Variants in PPM1B observed in about 807,000 individuals in gnomAD.
PPM1B encodes the protein protein phosphatase, Mg2+/Mn2+ dependent 1B, also known as protein phosphatase 1B.
Under a neutral mutation model 43.0 loss-of-function variants are expected in PPM1B, and 22 were observed. That is an observed-to-expected ratio of 0.51 (90% CI 0.37 to 0.73). The LOEUF is 0.73. Ranked by LOEUF, PPM1B falls within the 30% of genes least tolerant of loss-of-function variation. The pLI, the probability that PPM1B is intolerant of heterozygous loss-of-function variation, is 0.00. For synonymous variants in PPM1B, 217 were observed against 197.9 expected (o/e 1.10, Z -0.81); for missense variants, 632 against 584.2 (o/e 1.08, Z -0.84).
At chr2:44,205,374 T>TGTGTGTGTGTGTGTGTGTGTGTGG (rs1553333054) in intron 2 of PPM1B, among the ~76,000 whole-genome samples, 44 of 151,468 alleles carry the variant, frequency 2.9e-4, no homozygotes, top group Middle Eastern at 3.4e-3. Flanking sequence ...TGTGTGTGTG[T>TGTGTGTGTGTGTGTGTGTGTGTGG]GTGTGTAAGT....
intron 3 of PPM1B, 181 bp downstream of exon 3, chr2:44,209,508 G>C: frequency 1.5e-6 from 1 of 659,872 alleles, no homozygotes; most frequent in Non-Finnish European, 2.4e-6. Flanking sequence ...CTGGTCAGGC[G>C]CAGTGGCTCA....
intron 5 of PPM1B, among the ~76,000 whole-genome samples, chr2:44,242,024 A>G (rs1024325708): frequency 6.6e-6 from 1 of 151,650 alleles, no homozygotes; most frequent in East Asian, 2.0e-4. Context: ...ACGCCCGGCT[A>G]ATTTTTTGTA....
intron 1 of PPM1B, among the ~76,000 whole-genome samples, chr2:44,200,605 G>A (rs990815691): frequency 2.0e-5 from 3 of 152,156 alleles, no homozygotes; most frequent in Admixed American, 6.5e-5. Flanking sequence ...AATGTGTGTA[G>A]AATGGAGATT....
chr2:44,218,240 T>G (rs1220664915), intron 4 of PPM1B, among the ~76,000 whole-genome samples, 162 bp downstream of exon 4: 1 of 152,170 alleles, frequency 6.6e-6, no homozygotes, highest in African/African-American at 2.4e-5. Flanking sequence ...CCAAAAACGA[T>G]TTTTTAAAAG....
At chr2:44,182,999 A>G (rs1464313525) in intron 1 of PPM1B, among the ~76,000 whole-genome samples, 1 of 152,220 alleles carries the variant, frequency 6.6e-6, no homozygotes, top group Non-Finnish European at 1.5e-5. Flanking sequence ...TGGGTCTTGC[A>G]GAATTCCCTT....
downstream of PPM1B, among the ~76,000 whole-genome samples, chr2:44,238,137 G>C (rs1168758466): frequency 6.6e-6 from 1 of 151,842 alleles, no homozygotes; most frequent in South Asian, 2.1e-4. Context: ...TCCTGACCTT[G>C]GGTGATCCGC....
At chr2:44,170,647 T>C (rs1329720413) in intron 1 of PPM1B, among the ~76,000 whole-genome samples, 1 of 152,230 alleles carries the variant, frequency 6.6e-6, no homozygotes, top group Non-Finnish European at 1.5e-5. Flanking sequence ...ATTTACTTTC[T>C]CTGTTGTGCA....
At chr2:44,215,955 G>A (rs1474469416) in intron 3 of PPM1B, among the ~76,000 whole-genome samples, 3 of 152,300 alleles carry the variant, frequency 2.0e-5, no homozygotes, top group South Asian at 2.1e-4. Context: ...GCAAAGACTA[G>A]GAGGGAATGT....
chr2:44,169,680 C>T (rs1667228935), intron 1 of PPM1B, among the ~76,000 whole-genome samples: 1 of 152,234 alleles, frequency 6.6e-6, no homozygotes, highest in African/African-American at 2.4e-5. Flanking sequence ...TATCTTTTAC[C>T]ATTCGTTTCC....
intron 5 of PPM1B, among the ~76,000 whole-genome samples, chr2:44,229,507 C>T (rs377251661): frequency 6.6e-6 from 1 of 152,140 alleles, no homozygotes; most frequent in African/African-American, 2.4e-5. Flanking sequence ...TTTTACAATA[C>T]GTCCTGCATT....
At chr2:44,238,217 T>G (rs1021106336), downstream of PPM1B, among the ~76,000 whole-genome samples, 2 of 152,146 alleles carry the variant, frequency 1.3e-5, no homozygotes, top group Non-Finnish European at 2.9e-5. Context: ...ATGCAATTTA[T>G]CTTAACAATT....
chr2:44,226,509 A>G (rs1009625210), intron 5 of PPM1B, among the ~76,000 whole-genome samples: 3 of 152,044 alleles, frequency 2.0e-5, no homozygotes, highest in African/African-American at 4.8e-5. Context: ...GTGATTCTCA[A>G]CCCTGGCTGT....
intron 3 of PPM1B, among the ~76,000 whole-genome samples, chr2:44,216,913 A>AG (rs1203855366): frequency 1.3e-5 from 2 of 151,564 alleles, no homozygotes; most frequent in African/African-American, 4.8e-5. Flanking sequence ...AAAAAAAAAA[A>AG]AAGGGACATT....
chr2:44,192,750 C>G (rs1482979244), intron 1 of PPM1B, among the ~76,000 whole-genome samples: 1 of 152,196 alleles, frequency 6.6e-6, no homozygotes, highest in Non-Finnish European at 1.5e-5. Flanking sequence ...CTGGTAACTA[C>G]CATTCTACTC....
intron 5 of PPM1B, among the ~76,000 whole-genome samples, chr2:44,220,814 GA>G (rs1669946359): frequency 6.6e-6 from 1 of 152,214 alleles, no homozygotes; most frequent in South Asian, 2.1e-4. Context: ...GCTTCTTAGA[GA>G]AAAGATAGTA....
intron 1 of PPM1B, among the ~76,000 whole-genome samples, chr2:44,185,170 T>C (rs1190088777): frequency 6.6e-6 from 1 of 152,112 alleles, no homozygotes; most frequent in African/African-American, 2.4e-5. Context: ...TACTCTTTGA[T>C]TTCTAGTTTC....
At chr2:44,207,639 C>T (rs191822875) in intron 2 of PPM1B, among the ~76,000 whole-genome samples, 11 of 148,544 alleles carry the variant, frequency 7.4e-5, no homozygotes, top group Admixed American at 6.7e-4. Flanking sequence ...GCAGTGGTGT[C>T]ATCACGGCTC....
intron 4 of PPM1B, 25 bp from the exon 5 acceptor site, chr2:44,218,455 A>G: frequency 6.6e-7 from 1 of 1,525,174 alleles, no homozygotes; most frequent in Admixed American, 2.0e-5. Context: ...ATTTAATAAA[A>G]CTAAAGCATG....
At chr2:44,242,091 C>T (rs1051162582) in intron 5 of PPM1B, among the ~76,000 whole-genome samples, 3 of 151,988 alleles carry the variant, frequency 2.0e-5, no homozygotes, top group Non-Finnish European at 4.4e-5. Context: ...ATCTCCTGAC[C>T]TTGTGATCCA....
Sources: gnomAD v4.1 joint callset for allele counts (sites outside exome capture counted in the v4.1 genomes callset) on GRCh38, gnomAD v4.1.1 for gene constraint, MANE v1.5 for transcripts, NCBI Gene and HGNC (gene_info 2026-07-23, HGNC 2026-07-21) for gene names.